The following CEP112 variants were observed in gnomAD, a reference collection of about 807,000 sequenced individuals.
CEP112 encodes the protein centrosomal protein 112.
CEP112 carries 127 observed loss-of-function variants against 153.0 expected under a neutral mutation model. The ratio of observed to expected loss-of-function variants is 0.83; its 90% CI spans 0.72 to 0.96. CEP112 has a LOEUF of 0.96. Among genes scored for constraint, CEP112 ranks in the 40% least tolerant of loss-of-function variants. CEP112 has a pLI of 0.00. For synonymous variants in CEP112, 358 were observed against 374.4 expected, an observed-to-expected ratio of 0.96 and a Z score of 0.51; for missense variants, 1,089 against 1,101.2, an observed-to-expected ratio of 0.99 and a Z score of 0.16.
In CEP112 at chr17:65,864,098, G is replaced by A. The variant is rs565956460; in HGVS notation, c.2164-12064C>T. ...AGAGGTTGCAGTGAGCCAAGATTGC[G>A]CCACTACACTCCAGCCTGGGCGACA... On this transcript the variant is annotated intron_variant, in intron 20 of 26. Coordinates refer to ENST00000535342, the MANE Select transcript of CEP112 (RefSeq NM_001199165.4). 5.1e-4 allele frequency among the ~76,000 whole-genome samples: 76 copies of A among 148,054 alleles called. No homozygotes were observed. The South Asian group carries it at 6.6e-3, about 13-fold the overall frequency.
At chr17:66,057,233 G>C (rs1366804145) in intron 11 of CEP112, among the ~76,000 whole-genome samples, 1 of 152,178 alleles carries the variant, frequency 6.6e-6, no homozygotes, top group Non-Finnish European at 1.5e-5. Context: ...GGGGTCTCCT[G>C]AACTAAGGAA....
chr17:66,092,356 A>AACACACACAC (rs3056819), intron 8 of CEP112, among the ~76,000 whole-genome samples: 37,269 of 134,744 alleles, frequency 0.28, 5,603 homozygotes, highest in Admixed American at 0.38. Flanking sequence ...CATTAATTTA[A>AACACACACAC]ACACACACAC....
chr17:65,654,928 G>A (rs746808138), intron 24 of CEP112: 9 of 607,268 alleles, frequency 1.5e-5, no homozygotes, highest in East Asian at 4.2e-5. Context: ...CTCGGACAGC[G>A]ATCCATCCTA....
At chr17:66,059,373 T>A (rs1402847823) in intron 11 of CEP112, among the ~76,000 whole-genome samples, 4 of 152,140 alleles carry the variant, frequency 2.6e-5, no homozygotes, top group Non-Finnish European at 5.9e-5. Context: ...ACTCACAGAA[T>A]GGGAGAAAAT....
intron 23 of CEP112, among the ~76,000 whole-genome samples, chr17:65,738,910 T>C (rs539874494): frequency 6.6e-6 from 1 of 152,276 alleles, no homozygotes; most frequent in South Asian, 2.1e-4. Context: ...CCACTATTTC[T>C]CCTCTCCTAG....
chr17:65,932,059 G>C (rs1374151555), intron 18 of CEP112, among the ~76,000 whole-genome samples: 1 of 152,178 alleles, frequency 6.6e-6, no homozygotes, highest in Non-Finnish European at 1.5e-5. Context: ...GGTTATCACA[G>C]AGCCCAGCCA....
chr17:66,111,430 T>A (rs185525664), intron 6 of CEP112, among the ~76,000 whole-genome samples: 16 of 152,158 alleles, frequency 1.1e-4, no homozygotes, highest in Non-Finnish European at 7.4e-5. Context: ...CTATTCACAA[T>A]AGCAAAGACA....
intron 21 of CEP112, among the ~76,000 whole-genome samples, chr17:65,766,329 T>C (rs1057210171): frequency 2.8e-5 from 4 of 143,282 alleles, no homozygotes; most frequent in Non-Finnish European, 4.6e-5. Context: ...AATTATTATA[T>C]AACTATAAGA....
chr17:66,136,750 G>T (rs765931650), intron 4 of CEP112, among the ~76,000 whole-genome samples: 3 of 152,048 alleles, frequency 2.0e-5, no homozygotes, highest in African/African-American at 7.2e-5. Context: ...GAATAAGAAG[G>T]AACAAGAGAT....
At chr17:66,171,938 G>A (rs546339290) in intron 4 of CEP112, among the ~76,000 whole-genome samples, 16 of 151,994 alleles carry the variant, frequency 1.1e-4, no homozygotes, top group Non-Finnish European at 2.2e-4. Context: ...GAAGGGAATC[G>A]CTATAAACTA....
intron 12 of CEP112, among the ~76,000 whole-genome samples, chr17:66,042,546 T>TA (rs1315563007): frequency 2.0e-5 from 3 of 151,862 alleles, no homozygotes; most frequent in African/African-American, 4.8e-5. Context: ...GTCACAGTGA[T>TA]AAAAAACAGG....
chr17:65,791,241 AATGGGCTATAGC>A lies in CEP112; in HGVS notation c.2395-40529_2395-40518del, dbSNP rs139666758. On this transcript the variant is annotated intron_variant, in intron 21 of 26. Coordinates refer to ENST00000535342, the MANE Select transcript of CEP112 (RefSeq NM_001199165.4). ...ATTTTGTAAAGCTTAAATGTCTGTT[AATGGGCTATAGC>A]ATTTAAAAATATTTCTCCAAACAGG... Among the ~76,000 whole-genome samples, 1,134 of 152,350 alleles carry A rather than the reference AATGGGCTATAGC, an allele frequency of 7.4e-3. 13 individuals are homozygous for A. Among genetic ancestry groups the A allele is most frequent in the African/African-American group, 0.026 (1,078 of 41,584 alleles).
intron 17 of CEP112, among the ~76,000 whole-genome samples, chr17:65,972,715 T>C (rs966277405): frequency 4.6e-5 from 7 of 152,228 alleles, no homozygotes; most frequent in African/African-American, 1.7e-4. Flanking sequence ...ATTTTATATG[T>C]GTTAAAAGGA....
At chr17:65,839,888 A>G (rs1291935424) in intron 21 of CEP112, among the ~76,000 whole-genome samples, 1 of 152,006 alleles carries the variant, frequency 6.6e-6, no homozygotes. Context: ...GTGAACAATC[A>G]TGAAAAAAAA....
intron 23 of CEP112, among the ~76,000 whole-genome samples, chr17:65,734,957 T>C (rs1271104031): frequency 6.6e-6 from 1 of 152,210 alleles, no homozygotes; most frequent in Admixed American, 6.5e-5. Context: ...CATGGTTTTG[T>C]AACATCAGGT....
intron 21 of CEP112, among the ~76,000 whole-genome samples, chr17:65,764,537 T>C (rs2052822972): frequency 6.6e-6 from 1 of 152,258 alleles, no homozygotes; most frequent in African/African-American, 2.4e-5. Context: ...TTGTCTCTTA[T>C]GAAAGTTTTT....
chr17:65,914,856 C>T (rs1213536158), intron 19 of CEP112, among the ~76,000 whole-genome samples: 1 of 152,194 alleles, frequency 6.6e-6, no homozygotes, highest in South Asian at 2.1e-4. Flanking sequence ...AACGGCTGCT[C>T]ACAACGCATT....
intron 21 of CEP112, among the ~76,000 whole-genome samples, chr17:65,820,265 TTG>T (rs1412306629): frequency 3.3e-5 from 5 of 152,038 alleles, no homozygotes; most frequent in Non-Finnish European, 7.4e-5. Context: ...AATTCAAATA[TTG>T]TCTCTCTTCC....
At chr17:65,980,810 C>T (rs1437016954) in intron 17 of CEP112, among the ~76,000 whole-genome samples, 1 of 152,154 alleles carries the variant, frequency 6.6e-6, no homozygotes, top group East Asian at 1.9e-4. Flanking sequence ...CAGAGTCTCA[C>T]TCTGTCACCC....
Sources: allele counts gnomAD v4.1 joint callset (sites outside exome capture counted in the v4.1 genomes callset), GRCh38; gene constraint gnomAD v4.1.1; transcripts MANE v1.5; gene names NCBI Gene and HGNC (gene_info 2026-07-23, HGNC 2026-07-21).